The following DBP variants were observed in gnomAD, a reference collection of about 807,000 sequenced individuals.
DBP encodes the protein D site-binding protein.
Under a neutral mutation model 21.4 loss-of-function variants are expected in DBP, and 12 were observed. The ratio of observed to expected loss-of-function variants is 0.56; its 90% CI spans 0.36 to 0.91. The LOEUF (loss-of-function observed/expected upper bound fraction) is 0.91, where lower values mean the gene tolerates loss of function less well. Ranked by LOEUF, DBP falls within the 40% of genes least tolerant of loss-of-function variation. The pLI is 0.01. For missense variants in DBP, 423 were observed against 473.4 expected (o/e 0.89, Z 0.99); for synonymous variants, 213 against 224.9 (o/e 0.95, Z 0.47).
intron 2 of DBP, chr19:48,634,684 G>GA (rs2030718458): frequency 1.0e-6 from 1 of 985,452 alleles, no homozygotes; most frequent in Non-Finnish European, 1.2e-6. Flanking sequence ...GCGGAGGAGG[G>GA]ATGGGAGGAC....
rs557568260 is a variant in DBP at position 48,630,288 on chromosome 19, C to G, written c.*549G>C. 27 of 1,288,716 alleles carry G rather than the reference C, an allele frequency of 2.1e-5. No homozygotes were observed. The highest frequency in any genetic ancestry group is 2.7e-5 in the Non-Finnish European group (27 of 1,018,830). The allele number at this position is 1,288,716 out of a possible 1,614,324, so 79.8% of individuals were successfully genotyped here. On this transcript the variant is annotated 3_prime_UTR_variant, in exon 4 of 4. Coordinates refer to ENST00000222122, the MANE Select transcript of DBP (RefSeq NM_001352.5). The surrounding 1 kb of genome is among the most constrained non-coding windows in gnomAD (Gnocchi z 4.9). ...GGATTTGCACTAATGTTCCTCTCCC[C>G]GCGGGTGGGGGCGGGGAAATTCATA...
chr19:48,630,344 C>G lies in DBP; in HGVS notation c.*493G>C, dbSNP rs544816959. ...TGTTCGTCTCATGCGCGTCCTCCGTCCCCAATCTAAAAAGCAATTGAAAAG... is the reference window on the plus strand; with the variant it reads ...TGTTCGTCTCATGCGCGTCCTCCGTGCCCAATCTAAAAAGCAATTGAAAAG... On this transcript the variant is annotated 3_prime_UTR_variant, in exon 4 of 4. Coordinates refer to ENST00000222122, the MANE Select transcript of DBP (RefSeq NM_001352.5). The surrounding 1 kb of genome is among the most constrained non-coding windows in gnomAD (Gnocchi z 4.9). 2 of 1,311,876 alleles carry G rather than the reference C, an allele frequency of 1.5e-6. No homozygotes were observed. The highest frequency in any genetic ancestry group is 7.3e-5 in the Admixed American group (2 of 27,212). The allele number at this position is 1,311,876 out of a possible 1,614,324, so 81.3% of individuals were successfully genotyped here.
intron 2 of DBP, chr19:48,634,661 G>C (rs1044416931): frequency 2.0e-6 from 2 of 982,444 alleles, no homozygotes; most frequent in Non-Finnish European, 2.4e-6. Context: ...GCTTGAAGGC[G>C]CCTGCGCGAA....
chr19:48,633,234 C>T, intron 3 of DBP: 1 of 644,608 alleles, frequency 1.6e-6, no homozygotes. Flanking sequence ...CGAGTGAGGC[C>T]CCTCGCCCAG....
chr19:48,633,838 C>A (rs922090239), intron 2 of DBP, 183 bp from the exon 3 acceptor site: 1 of 605,322 alleles, frequency 1.7e-6, no homozygotes, highest in East Asian at 2.8e-5. Flanking sequence ...CAGTGGCTCA[C>A]GCCTGTAACC....
chr19:48,630,083 A>G lies in DBP; in HGVS notation c.*754T>C. 7.8e-7 allele frequency: 1 copy of G among 1,277,168 alleles called. No individual in the cohort carries two copies. Among genetic ancestry groups the G allele is most frequent in the Non-Finnish European group, 9.9e-7 (1 of 1,011,614 alleles). The allele number at this position is 1,277,168 out of a possible 1,614,324, so 79.1% of individuals were successfully genotyped here. A position where few individuals can be genotyped will look rare whatever the true frequency, so the allele number is the denominator to read the frequency against. On this transcript the variant is annotated 3_prime_UTR_variant, in exon 4 of 4. Coordinates refer to ENST00000222122, the MANE Select transcript of DBP (RefSeq NM_001352.5). This position sits in a 1 kb window ranked among gnomAD's most constrained non-coding sequence, Gnocchi z 4.9. ...TGCCACCTGCTCCTACCCGGCCAGG[A>G]TGGCTGAGGGCGGAGTCTATTTTAC...
intron 3 of DBP, chr19:48,632,057 G>A (rs1375902807): frequency 6.6e-6 from 1 of 152,466 alleles, no homozygotes; most frequent in Non-Finnish European, 1.5e-5. Context: ...CCACCTCCCA[G>A]GTTCAAGCGA....
In DBP at chr19:48,635,761, C is replaced by A; in HGVS notation, c.369G>T (p.Leu123=). The change falls in exon 2 of 4, where the codon CTG becomes CTT. Residue 123 remains leucine, a synonymous_variant. Coordinates refer to ENST00000222122, the MANE Select transcript of DBP (RefSeq NM_001352.5). ...GGCTGGGCGGGAGCCCGTGCTCCAGCAGGAAGGCGTCCAGGTCTACGTACT... is the reference window on the plus strand; with the variant it reads ...GGCTGGGCGGGAGCCCGTGCTCCAGAAGGAAGGCGTCCAGGTCTACGTACT... The part of the protein sequence containing the change: ...DVEYVDLDAF[L]LEHGLPPSPP... 1 of 1,394,688 alleles carries A rather than the reference C, an allele frequency of 7.2e-7. No individual in the cohort carries two copies. The highest frequency in any genetic ancestry group is 1.5e-5 in the African/African-American group (1 of 66,050). The allele number at this position is 1,394,688 out of a possible 1,614,324, so 86.4% of individuals were successfully genotyped here. A position where few individuals can be genotyped will look rare whatever the true frequency, so the allele number is the denominator to read the frequency against.
rs1441972236 is a variant in DBP, at chr19:48,630,417, C to T, written c.*420G>A. 1.4e-6 allele frequency: 2 copies of T among 1,416,928 alleles called. No homozygotes were observed. Among genetic ancestry groups the T allele is most frequent in the African/African-American group, 2.9e-5 (2 of 68,724 alleles). The allele number at this position is 1,416,928 out of a possible 1,614,324, so 87.8% of individuals were successfully genotyped here. ...CTTCATTCCTCTCAGACCTTCTGCC[C>T]TTCCTCCATCCGACAGCCCGCGGGA... On this transcript the variant is annotated 3_prime_UTR_variant, in exon 4 of 4. Coordinates refer to ENST00000222122, the MANE Select transcript of DBP (RefSeq NM_001352.5). The surrounding 1 kb of genome is among the most constrained non-coding windows in gnomAD (Gnocchi z 4.9).
At chr19:48,636,156 A>G (rs920260707) in intron 1 of DBP, among the ~76,000 whole-genome samples, 166 bp from the exon 2 acceptor site, 2 of 152,078 alleles carry the variant, frequency 1.3e-5, no homozygotes, top group Non-Finnish European at 2.9e-5. Context: ...AGAGTGGGAG[A>G]GAGACCCAGA....
chr19:48,637,065 A>C lies in DBP; in HGVS notation c.-71T>G. 1 of 1,365,482 alleles carries C rather than the reference A, an allele frequency of 7.3e-7. No individual in the cohort carries two copies. Among genetic ancestry groups the C allele is most frequent in the Non-Finnish European group, 9.6e-7 (1 of 1,040,922 alleles). The allele number at this position is 1,365,482 out of a possible 1,614,324, so 84.6% of individuals were successfully genotyped here. A position where few individuals can be genotyped will look rare whatever the true frequency, so the allele number is the denominator to read the frequency against. On this transcript the variant is annotated 5_prime_UTR_variant, in exon 1 of 4. Coordinates refer to ENST00000222122, the MANE Select transcript of DBP (RefSeq NM_001352.5). ...GGGCTGGCCTGCCAGTCACCAGCAC[A>C]CTCCAGTGGTTTGGACGAGTGTCTG...
At chr19:48,636,798 C>T in intron 1 of DBP, 58 bp downstream of exon 1, 1 of 1,584,334 alleles carries the variant, frequency 6.3e-7, no homozygotes, top group Middle Eastern at 1.9e-4. Flanking sequence ...CCCCACGGCA[C>T]CTGAGTCCCT....
Position 48,630,283 on chromosome 19 carries a change from C to T in DBP, c.*554G>A. 1 of 1,291,592 alleles carries T rather than the reference C, an allele frequency of 7.7e-7. No individual in the cohort carries two copies. The highest frequency in any genetic ancestry group is 2.6e-5 in the South Asian group (1 of 39,084). 80.0% of individuals were successfully genotyped at this position (1,291,592 alleles called of 1,614,324 possible). A position where few individuals can be genotyped will look rare whatever the true frequency, so the allele number is the denominator to read the frequency against. Reference sequence around the variant, plus strand: ...CGCTAGGATTTGCACTAATGTTCCTCTCCCCGCGGGTGGGGGCGGGGAAAT... The same window carrying T: ...CGCTAGGATTTGCACTAATGTTCCTTTCCCCGCGGGTGGGGGCGGGGAAAT... On this transcript the variant is annotated 3_prime_UTR_variant, in exon 4 of 4. Coordinates refer to ENST00000222122, the MANE Select transcript of DBP (RefSeq NM_001352.5). This position sits in a 1 kb window ranked among gnomAD's most constrained non-coding sequence, Gnocchi z 4.9.
intron 1 of DBP, among the ~76,000 whole-genome samples, chr19:48,636,566 C>G (rs2030808079): frequency 6.6e-6 from 1 of 151,264 alleles, no homozygotes; most frequent in African/African-American, 2.4e-5. Flanking sequence ...GGTCCAGACT[C>G]CCGGACCAAA....
At position 48,630,274 on chromosome 19, in the gene DBP, A is replaced by G. The variant is rs2030500185; in HGVS notation, c.*563T>C. ...CGGGGCCGGCGCTAGGATTTGCACTAATGTTCCTCTCCCCGCGGGTGGGGG... is the reference window on the plus strand; with the variant it reads ...CGGGGCCGGCGCTAGGATTTGCACTGATGTTCCTCTCCCCGCGGGTGGGGG... On this transcript the variant is annotated 3_prime_UTR_variant, in exon 4 of 4. Transcript: ENST00000222122. The surrounding 1 kb of genome is among the most constrained non-coding windows in gnomAD (Gnocchi z 4.9). The G allele has an allele frequency of 9.3e-6, 12 of 1,293,894 alleles. No individual in the cohort carries two copies. Among genetic ancestry groups the G allele is most frequent in the Non-Finnish European group, 1.2e-5 (12 of 1,021,860 alleles). The allele number at this position is 1,293,894 out of a possible 1,614,324, so 80.2% of individuals were successfully genotyped here.
rs908608484 is a variant in DBP, at chr19:48,630,209, C to T, written c.*628G>A. 2.9e-4 allele frequency: 363 copies of T among 1,258,254 alleles called. 1 individual carries two copies. The highest frequency in any genetic ancestry group is 4.2e-4 in the Admixed American group (11 of 26,198). The allele number at this position is 1,258,254 out of a possible 1,614,324, so 77.9% of individuals were successfully genotyped here. On this transcript the variant is annotated 3_prime_UTR_variant, in exon 4 of 4. Transcript: ENST00000222122. This position sits in a 1 kb window ranked among gnomAD's most constrained non-coding sequence, Gnocchi z 4.9. ...CCTCGCCCCATCCACTCCGGTGCCTCCATTTAGCTGGCCAATCAGCCCAGG... is the reference window on the plus strand; with the variant it reads ...CCTCGCCCCATCCACTCCGGTGCCTTCATTTAGCTGGCCAATCAGCCCAGG...
At position 48,630,369 on chromosome 19, in the gene DBP, G is replaced by A. The variant is rs1306871227; in HGVS notation, c.*468C>T. ...CCCCAATCTAAAAAGCAATTGAAAAGGTCTATGCAATAAAGGCAGTCGCTT... is the reference window on the plus strand; with the variant it reads ...CCCCAATCTAAAAAGCAATTGAAAAAGTCTATGCAATAAAGGCAGTCGCTT... On this transcript the variant is annotated 3_prime_UTR_variant, in exon 4 of 4. Transcript: ENST00000222122. This position sits in a 1 kb window ranked among gnomAD's most constrained non-coding sequence, Gnocchi z 4.9. The A allele has an allele frequency of 6.6e-6, 9 of 1,361,132 alleles. No homozygotes were observed. The highest frequency in any genetic ancestry group is 8.5e-6 in the Non-Finnish European group (9 of 1,058,346). The allele number at this position is 1,361,132 out of a possible 1,614,324, so 84.3% of individuals were successfully genotyped here.
At chr19:48,635,127 C>G (rs1342642774) in intron 2 of DBP, 1 of 998,818 alleles carries the variant, frequency 1.0e-6, no homozygotes, top group Non-Finnish European at 1.2e-6. Context: ...CTCTTATGTC[C>G]TGGGTAAACA....
At chr19:48,631,152 C>A in intron 3 of DBP, 100 bp from the exon 4 acceptor site, 3 of 1,048,744 alleles carry the variant, frequency 2.9e-6, no homozygotes, top group South Asian at 3.1e-5. Context: ...CACACCAGGT[C>A]TCTGCTGGGA....
Sources: allele counts gnomAD v4.1 joint callset (sites outside exome capture counted in the v4.1 genomes callset), GRCh38; gene constraint gnomAD v4.1.1; non-coding constraint Gnocchi (gnomAD v3.1); transcripts MANE v1.5; gene names NCBI Gene and HGNC (gene_info 2026-07-23, HGNC 2026-07-21).